CDC42SE2: variants seen among roughly 807,000 people sequenced by gnomAD.
The protein encoded by CDC42SE2 is CDC42 small effector protein 2.
In CDC42SE2, 3 loss-of-function variants were observed where a neutral mutation model predicts 11.5. The ratio of observed to expected loss-of-function variants is 0.26; its 90% CI spans 0.12 to 0.67. CDC42SE2 has a LOEUF of 0.67. Among genes scored for constraint, CDC42SE2 ranks in the 30% least tolerant of loss-of-function variants. The pLI is 0.80. For synonymous variants in CDC42SE2, 33 were observed against 34.8 expected, an observed-to-expected ratio of 0.95 and a Z score of 0.18; for missense variants, 82 against 106.8, an observed-to-expected ratio of 0.77 and a Z score of 1.02.
chr5:131,318,781 C>T (rs1222100718), intron 2 of CDC42SE2, among the ~76,000 whole-genome samples: 1 of 152,198 alleles, frequency 6.6e-6, no homozygotes, highest in Non-Finnish European at 1.5e-5. Flanking sequence ...ATACATCTTT[C>T]TCAACCCTCA....
At chr5:131,362,081 A>G (rs899705874) in intron 3 of CDC42SE2, among the ~76,000 whole-genome samples, 2 of 151,964 alleles carry the variant, frequency 1.3e-5, no homozygotes, top group South Asian at 4.2e-4. Flanking sequence ...GTCCTCACCT[A>G]TGTTTGTCCG....
intron 1 of CDC42SE2, among the ~76,000 whole-genome samples, chr5:131,311,005 G>C (rs1024496588): frequency 5.3e-5 from 8 of 150,182 alleles, no homozygotes; most frequent in African/African-American, 1.7e-4. Flanking sequence ...TGGTTATTTT[G>C]CTCGTTAGTT....
At chr5:131,261,718 T>G (rs1756727889), upstream of CDC42SE2, 1 of 152,170 alleles carries the variant, frequency 6.6e-6, no homozygotes. Flanking sequence ...GGTGTAGTAG[T>G]GTGCGTTTGT....
chr5:131,271,706 A>G (rs1756998969), intron 1 of CDC42SE2, among the ~76,000 whole-genome samples: 1 of 152,162 alleles, frequency 6.6e-6, no homozygotes, highest in African/African-American at 2.4e-5. Context: ...TGCTGTCCCA[A>G]GACCACCTCC....
At chr5:131,336,528 A>G (rs1229634915) in intron 2 of CDC42SE2, among the ~76,000 whole-genome samples, 2 of 152,024 alleles carry the variant, frequency 1.3e-5, no homozygotes, top group African/African-American at 4.8e-5. Flanking sequence ...GCCTTGCTAG[A>G]TTGGGGAAGT....
chr5:131,385,770 A>G (rs1344526424), intron 4 of CDC42SE2, 126 bp downstream of exon 4: 9 of 539,064 alleles, frequency 1.7e-5, no homozygotes, highest in Non-Finnish European at 3.3e-6. Flanking sequence ...ATGTAAATAC[A>G]TAATATGAGC....
At chr5:131,274,064 C>T (rs1011046928) in intron 1 of CDC42SE2, among the ~76,000 whole-genome samples, 3 of 152,186 alleles carry the variant, frequency 2.0e-5, no homozygotes, top group Non-Finnish European at 2.9e-5. Flanking sequence ...GCTACTGCGC[C>T]CAGCCTAGAA....
At chr5:131,337,352 G>C (rs2149748556) in intron 2 of CDC42SE2, among the ~76,000 whole-genome samples, 1 of 152,292 alleles carries the variant, frequency 6.6e-6, no homozygotes, top group South Asian at 2.1e-4. Flanking sequence ...GGAGTACCCG[G>C]CCACATGAGG....
intron 2 of CDC42SE2, among the ~76,000 whole-genome samples, chr5:131,327,757 G>T (rs1758326721): frequency 6.6e-6 from 1 of 152,132 alleles, no homozygotes; most frequent in Admixed American, 6.5e-5. Flanking sequence ...TATAGATTTT[G>T]CTTCAAGATA....
chr5:131,323,306 G>A (rs1758232365), intron 2 of CDC42SE2, among the ~76,000 whole-genome samples: 1 of 151,774 alleles, frequency 6.6e-6, no homozygotes, highest in South Asian at 2.1e-4. Context: ...TTACAGGCAT[G>A]AGCCACTGTG....
chr5:131,373,861 G>A (rs904021913), intron 3 of CDC42SE2, among the ~76,000 whole-genome samples: 15 of 152,080 alleles, frequency 9.9e-5, no homozygotes, highest in African/African-American at 3.6e-4. Flanking sequence ...TATGATAGCT[G>A]AAATAAAGTA....
intron 2 of CDC42SE2, among the ~76,000 whole-genome samples, chr5:131,319,977 G>T (rs558879120): frequency 7.6e-4 from 115 of 150,684 alleles, no homozygotes; most frequent in African/African-American, 2.8e-3. Context: ...CGTGAACCCG[G>T]GAGGCAGAAG....
At chr5:131,354,299 T>C (rs1260198621) in intron 2 of CDC42SE2, among the ~76,000 whole-genome samples, 1 of 152,166 alleles carries the variant, frequency 6.6e-6, no homozygotes, top group African/African-American at 2.4e-5. Flanking sequence ...CAAATAATTA[T>C]AAAGCAAATA....
the CDC42SE2 span, among the ~76,000 whole-genome samples, chr5:131,226,387 T>C: frequency 6.6e-6 from 1 of 152,226 alleles, no homozygotes; most frequent in Non-Finnish European, 1.5e-5. Flanking sequence ...TTCCTACACT[T>C]GAACCAATTC....
chr5:131,232,913 T>G, the CDC42SE2 span, among the ~76,000 whole-genome samples: 1 of 151,718 alleles, frequency 6.6e-6, no homozygotes, highest in Non-Finnish European at 1.5e-5. Context: ...TATTTTATGT[T>G]TTGACTAGGC....
At chr5:131,223,968 G>A in the CDC42SE2 span, among the ~76,000 whole-genome samples, 6 of 152,284 alleles carry the variant, frequency 3.9e-5, no homozygotes, top group East Asian at 1.2e-3. Context: ...AGCATTTTAT[G>A]ACACGGATCA....
intron 1 of CDC42SE2, among the ~76,000 whole-genome samples, chr5:131,309,589 T>G (rs1275280888): frequency 2.5e-4 from 38 of 151,770 alleles, no homozygotes; most frequent in Admixed American, 1.3e-3. Flanking sequence ...ACTCTTTTTG[T>G]TTGGTAAGCT....
the CDC42SE2 span, among the ~76,000 whole-genome samples, chr5:131,213,288 TTACTC>T: frequency 4.3e-4 from 65 of 152,300 alleles, no homozygotes; most frequent in African/African-American, 1.4e-3. Context: ...ACTTTTAACT[TTACTC>T]TAGCTTTGAA....
intron 1 of CDC42SE2, among the ~76,000 whole-genome samples, chr5:131,250,287 A>T (rs776827194): frequency 3.9e-5 from 6 of 152,244 alleles, no homozygotes; most frequent in Non-Finnish European, 5.9e-5. Flanking sequence ...AGAAAATATT[A>T]TACAACAATC....
Sources: gnomAD v4.1 joint callset for allele counts (sites outside exome capture counted in the v4.1 genomes callset) on GRCh38, gnomAD v4.1.1 for gene constraint, MANE v1.5 for transcripts, NCBI Gene and HGNC (gene_info 2026-07-23, HGNC 2026-07-21) for gene names.